MYO16: variants seen among roughly 807,000 people sequenced by gnomAD.
MYO16 encodes the protein myosin XVI.
Under a neutral mutation model 205.3 loss-of-function variants are expected in MYO16, and 94 were observed. The ratio of observed to expected loss-of-function variants is 0.46; its 90% CI spans 0.39 to 0.54. The LOEUF (loss-of-function observed/expected upper bound fraction) is 0.54, where lower values mean the gene tolerates loss of function less well. Among genes scored for constraint, MYO16 ranks in the 20% least tolerant of loss-of-function variants. The probability of loss-of-function intolerance (pLI) is 0.00; values close to 1 mark genes in which losing one functional copy is unlikely to be tolerated. For missense variants in MYO16, 2,315 were observed against 2,387.5 expected, an observed-to-expected ratio of 0.97 and a Z score of 0.63; for synonymous variants, 988 against 954.0, an observed-to-expected ratio of 1.04 and a Z score of -0.66.
intron 1 of MYO16, among the ~76,000 whole-genome samples, chr13:108,609,273 C>G (rs1398548758): frequency 1.3e-5 from 2 of 152,100 alleles, no homozygotes; most frequent in Non-Finnish European, 2.9e-5. Flanking sequence ...AGGCTTTGCA[C>G]TGGGGAGAAA....
intron 4 of MYO16, among the ~76,000 whole-genome samples, chr13:108,727,862 G>C (rs561826334): frequency 1.4e-4 from 22 of 152,260 alleles, no homozygotes; most frequent in Admixed American, 6.5e-4. Flanking sequence ...AAAATGGTTT[G>C]ATAATTTTGC....
chr13:108,880,799 T>C (rs1233997759), intron 12 of MYO16, among the ~76,000 whole-genome samples: 1 of 152,242 alleles, frequency 6.6e-6, no homozygotes, highest in Non-Finnish European at 1.5e-5. Flanking sequence ...GGTAGCATGA[T>C]GCCTCCCGCT....
At chr13:108,570,698 AT>A in the MYO16 span, among the ~76,000 whole-genome samples, 1 of 152,208 alleles carries the variant, frequency 6.6e-6, no homozygotes, top group African/African-American at 2.4e-5. Flanking sequence ...ATCCATGCAT[AT>A]TTCTAAGATA....
At chr13:108,937,107 C>T (rs1882523942) in intron 16 of MYO16, among the ~76,000 whole-genome samples, 2 of 152,124 alleles carry the variant, frequency 1.3e-5, no homozygotes, top group South Asian at 4.1e-4. Flanking sequence ...GCTAATGAAG[C>T]TTAATTGAGC....
intron 34 of MYO16, among the ~76,000 whole-genome samples, chr13:109,203,429 T>C (rs1210665558): frequency 2.6e-5 from 4 of 152,124 alleles, no homozygotes; most frequent in African/African-American, 9.7e-5. Flanking sequence ...GTTGACTTTT[T>C]TTTTTTTTCT....
At chr13:109,058,982 A>G (rs1887502088) in intron 27 of MYO16, among the ~76,000 whole-genome samples, 1 of 152,118 alleles carries the variant, frequency 6.6e-6, no homozygotes, top group Admixed American at 6.6e-5. Flanking sequence ...TTCATCCATA[A>G]GCAGCAACTC....
intron 17 of MYO16, among the ~76,000 whole-genome samples, chr13:108,960,282 A>AC (rs1160305830): frequency 2.6e-5 from 4 of 151,622 alleles, no homozygotes; most frequent in Admixed American, 6.6e-5. Flanking sequence ...CTCAAAAAAA[A>AC]AAAAAAAGGA....
At chr13:109,194,642 A>G (rs1405839350) in intron 34 of MYO16, among the ~76,000 whole-genome samples, 1 of 152,180 alleles carries the variant, frequency 6.6e-6, no homozygotes, top group African/African-American at 2.4e-5. Flanking sequence ...TGTGTTCCAC[A>G]TATATCTGGT....
At chr13:109,015,816 A>G (rs926252114) in intron 22 of MYO16, among the ~76,000 whole-genome samples, 1 of 152,018 alleles carries the variant, frequency 6.6e-6, no homozygotes, top group African/African-American at 2.4e-5. Context: ...TATCCCCTTT[A>G]TCATTTTTTA....
At chr13:108,500,515 A>C in the MYO16 span, among the ~76,000 whole-genome samples, 6 of 152,104 alleles carry the variant, frequency 3.9e-5, no homozygotes, top group East Asian at 1.2e-3. Flanking sequence ...AGCATGAGCC[A>C]CCACGCCCGG....
chr13:108,823,987 G>A (rs1876124456), intron 9 of MYO16, among the ~76,000 whole-genome samples: 1 of 152,008 alleles, frequency 6.6e-6, no homozygotes, highest in African/African-American at 2.4e-5. Context: ...TGACTGTGGG[G>A]CTTGGAATGT....
chr13:109,125,848 C>G lies in MYO16; in HGVS notation c.3782+490C>G, dbSNP rs1172241499. 6.6e-6 allele frequency among the ~76,000 whole-genome samples: 1 copy of G among 152,202 alleles called. No individual in the cohort carries two copies. ...TATATCCCTGTGTAAACTGTCACGT[C>G]TCTCTTTACCAATAAAGCAAGCTTT... On this transcript the variant is annotated intron_variant, in intron 30 of 34. Coordinates refer to ENST00000457511, the MANE Select transcript of MYO16 (RefSeq NM_001198950.3). This position sits in a 1 kb window ranked among gnomAD's most constrained non-coding sequence, Gnocchi z 4.0.
chr13:108,724,853 G>C (rs1490711705), intron 3 of MYO16, among the ~76,000 whole-genome samples: 1 of 151,530 alleles, frequency 6.6e-6, no homozygotes, highest in Admixed American at 6.6e-5. Context: ...ATACTCTCTT[G>C]TGATTTTTAA....
At chr13:108,693,493 A>C (rs1200717604) in intron 2 of MYO16, among the ~76,000 whole-genome samples, 1 of 151,926 alleles carries the variant, frequency 6.6e-6, no homozygotes, top group African/African-American at 2.4e-5. Context: ...ACCATATATA[A>C]CCTTTGTATC....
At chr13:109,079,979 G>A (rs1044313270) in intron 27 of MYO16, among the ~76,000 whole-genome samples, 3 of 150,428 alleles carry the variant, frequency 2.0e-5, no homozygotes, top group Admixed American at 6.7e-5. Context: ...GGGTTCAAGC[G>A]ATTCTCCTGC....
intron 2 of MYO16, among the ~76,000 whole-genome samples, chr13:108,685,367 C>G (rs1882636737): frequency 6.6e-6 from 1 of 152,112 alleles, no homozygotes; most frequent in Admixed American, 6.6e-5. Flanking sequence ...TGGCTACAAC[C>G]TGGGGCTCAG....
intron 27 of MYO16, among the ~76,000 whole-genome samples, chr13:109,061,961 T>C (rs1333193319): frequency 6.6e-6 from 1 of 152,190 alleles, no homozygotes; most frequent in African/African-American, 2.4e-5. Context: ...AAAGATTCTC[T>C]TCATTAAAGG....
At chr13:109,023,670 AATATATGTATATATACAT>A (rs1380125006) in intron 23 of MYO16, among the ~76,000 whole-genome samples, 1 of 64,874 alleles carries the variant, frequency 1.5e-5, no homozygotes. Flanking sequence ...TATATATGCA[AATATATGTATATATACAT>A]ATATATGTAT....
rs1240549576 is a variant in MYO16 at position 108,795,237 on chromosome 13, G to A, written c.741+1597G>A. On this transcript the variant is annotated intron_variant, in intron 6 of 34. Transcript: ENST00000457511. ...AATGGAATCTTTCCCTGTCACCCAG[G>A]CTGGAGTGCAATGGCATGGTCTTGG... 3.3e-5 allele frequency among the ~76,000 whole-genome samples: 5 copies of A among 150,950 alleles called. No homozygotes were observed. In the East Asian group the frequency reaches 9.7e-4, roughly 29 times the overall value.
Sources: allele counts gnomAD v4.1 joint callset (sites outside exome capture counted in the v4.1 genomes callset), GRCh38; gene constraint gnomAD v4.1.1; non-coding constraint Gnocchi (gnomAD v3.1); transcripts MANE v1.5; gene names NCBI Gene and HGNC (gene_info 2026-07-23, HGNC 2026-07-21).